Variants in USP15 observed in about 807,000 individuals in gnomAD.
USP15 encodes ubiquitin specific peptidase 15, also known as ubiquitin carboxyl-terminal hydrolase 15.
In USP15, 18 loss-of-function variants were observed where a neutral mutation model predicts 127.1. The ratio of observed to expected loss-of-function variants is 0.14; its 90% CI spans 0.10 to 0.21. The LOEUF (loss-of-function observed/expected upper bound fraction) is 0.21, where lower values mean the gene tolerates loss of function less well. Among genes scored for constraint, USP15 ranks in the 10% least tolerant of loss-of-function variants. The pLI is 1.00. For missense variants in USP15, 805 were observed against 1,159.9 expected (o/e 0.69, Z 4.44); for synonymous variants, 364 against 393.7 (o/e 0.92, Z 0.89).
At chr12:62,294,081 G>A in intron 1 of USP15, 98 bp from the exon 2 acceptor site, 1 of 1,273,746 alleles carries the variant, frequency 7.9e-7, no homozygotes, top group Non-Finnish European at 1.1e-6. Context: ...AAGTAGATAT[G>A]TCTTTTAATA....
Position 62,406,874 on chromosome 12 carries a change from A to C in USP15, c.*2499A>C, listed in dbSNP as rs1287952817. The C allele has an allele frequency of 6.6e-6, 1 of 152,128 alleles. No individual in the cohort carries two copies. Among genetic ancestry groups the C allele is most frequent in the African/African-American group, 2.4e-5 (1 of 41,406 alleles). The allele number at this position is 152,128 out of a possible 1,614,324, so 9.4% of individuals were successfully genotyped here. ...CAGCTACTGGGGAGGCTGAGGTGAG[A>C]GAATTGCTTGAGCCCAGGCAGTCAA... On this transcript the variant is annotated 3_prime_UTR_variant, in exon 22 of 22. Coordinates refer to ENST00000280377, the MANE Select transcript of USP15 (RefSeq NM_001252078.2).
At chr12:62,371,176 T>A (rs1435192775) in intron 8 of USP15, among the ~76,000 whole-genome samples, 2 of 152,202 alleles carry the variant, frequency 1.3e-5, no homozygotes, top group Non-Finnish European at 2.9e-5. Context: ...AAGGATAAAA[T>A]TCAAACTGGA....
rs939514000 is a variant in USP15 at position 62,413,255 on chromosome 12, G to A, written c.*8880G>A. The A allele has an allele frequency of 7.2e-5, 11 of 152,110 alleles. No individual in the cohort carries two copies. The highest frequency in any genetic ancestry group is 7.2e-5 in the African/African-American group (3 of 41,422). The allele number at this position is 152,110 out of a possible 1,614,324, so 9.4% of individuals were successfully genotyped here. On this transcript the variant is annotated 3_prime_UTR_variant, in exon 22 of 22. Coordinates refer to ENST00000280377, the MANE Select transcript of USP15 (RefSeq NM_001252078.2). ...CAGGCTTTATGGTTCCTTTTATAGAGCAAAAACATTATATTTAGTTTAATT... is the reference window on the plus strand; with the variant it reads ...CAGGCTTTATGGTTCCTTTTATAGAACAAAAACATTATATTTAGTTTAATT...
In USP15 at chr12:62,381,812, TG is replaced by T. The variant is rs1367475436; in HGVS notation, c.1089+150del. 26 of 643,644 alleles carry T rather than the reference TG, an allele frequency of 4.0e-5. No individual in the cohort carries two copies. In the Admixed American group the frequency reaches 6.0e-4, roughly 15 times the overall value. 39.9% of individuals were successfully genotyped at this position (643,644 alleles called of 1,614,324 possible). A position where few individuals can be genotyped will look rare whatever the true frequency, so the allele number is the denominator to read the frequency against. On this transcript the variant is annotated intron_variant, in intron 9 of 21. Transcript: ENST00000280377. ...TACATAAATAGATATACAGTACATC[TG>T]TGATATAAAATTTAGGTGGGAGGGA...
chr12:62,404,438 A>G lies in USP15; in HGVS notation c.*63A>G. The G allele has an allele frequency of 6.8e-7, 1 of 1,460,028 alleles. No homozygotes were observed. The highest frequency in any genetic ancestry group is 9.1e-7 in the Non-Finnish European group (1 of 1,102,396). The allele number at this position is 1,460,028 out of a possible 1,614,324, so 90.4% of individuals were successfully genotyped here. A position where few individuals can be genotyped will look rare whatever the true frequency, so the allele number is the denominator to read the frequency against. Reference sequence around the variant, plus strand: ...CTGGTGGTATCTATGGAAATGATGAAGTTACCCACCACATTAAAACAAAAG... The same window carrying G: ...CTGGTGGTATCTATGGAAATGATGAGGTTACCCACCACATTAAAACAAAAG... On this transcript the variant is annotated 3_prime_UTR_variant, in exon 22 of 22. Transcript: ENST00000280377.
chr12:62,391,556 C>T (rs2067326425), intron 16 of USP15, 127 bp downstream of exon 16: 6 of 1,212,590 alleles, frequency 4.9e-6, no homozygotes, highest in South Asian at 1.6e-5. Flanking sequence ...TCAAATTTTA[C>T]ATGAAAGGAC....
intron 6 of USP15, among the ~76,000 whole-genome samples, chr12:62,330,390 A>G (rs575870833): frequency 6.6e-6 from 1 of 151,956 alleles, no homozygotes; most frequent in Admixed American, 6.6e-5. Flanking sequence ...GGATTTCAAA[A>G]CCAGCCTGAT....
chr12:62,298,830 C>CAAAAAAAAAAAAAAAAA (rs1163091790), intron 2 of USP15, among the ~76,000 whole-genome samples: 1 of 65,066 alleles, frequency 1.5e-5, no homozygotes, highest in African/African-American at 6.2e-5. Context: ...CCCTGTCTTG[C>CAAAAAAAAAAAAAAAAA]AAAAAAAAAA....
intron 4 of USP15, among the ~76,000 whole-genome samples, chr12:62,318,252 C>G (rs2064887094): frequency 6.6e-6 from 1 of 152,166 alleles, no homozygotes; most frequent in Non-Finnish European, 1.5e-5. Context: ...CTGGCCACCA[C>G]TTTCTCTGCT....
chr12:62,280,637 A>G (rs2063623015), intron 1 of USP15, among the ~76,000 whole-genome samples: 1 of 152,114 alleles, frequency 6.6e-6, no homozygotes, highest in East Asian at 1.9e-4. Context: ...CTAATTCCCT[A>G]TCCTTGGGGG....
chr12:62,290,681 G>A (rs551543943), intron 1 of USP15, among the ~76,000 whole-genome samples: 53 of 152,142 alleles, frequency 3.5e-4, no homozygotes, highest in African/African-American at 8.4e-4. Context: ...TTGTAGTTTC[G>A]TTGGTGTAAT....
At chr12:62,271,825 CTTAT>C (rs2063351479) in intron 1 of USP15, among the ~76,000 whole-genome samples, 1 of 151,702 alleles carries the variant, frequency 6.6e-6, no homozygotes, top group South Asian at 2.1e-4. Context: ...CCTTGAGTTT[CTTAT>C]TTGTCTTAGT....
intron 2 of USP15, among the ~76,000 whole-genome samples, chr12:62,297,915 TAACAA>T (rs1592527588): frequency 6.6e-6 from 1 of 152,040 alleles, no homozygotes; most frequent in African/African-American, 2.4e-5. Context: ...ATAGACAACT[TAACAA>T]AACAAGAAAA....
At chr12:62,336,871 A>G (rs1407996932) in intron 6 of USP15, among the ~76,000 whole-genome samples, 3 of 152,234 alleles carry the variant, frequency 2.0e-5, no homozygotes, top group Non-Finnish European at 2.9e-5. Context: ...CATTAATACT[A>G]CATCAAAACT....
chr12:62,363,941 GGGA>G (rs978976303), intron 8 of USP15, among the ~76,000 whole-genome samples: 2 of 152,072 alleles, frequency 1.3e-5, no homozygotes, highest in African/African-American at 4.8e-5. Context: ...ATTTGGGGTG[GGGA>G]GGAGATTATG....
intron 6 of USP15, among the ~76,000 whole-genome samples, chr12:62,348,835 A>G (rs1842871378): frequency 6.6e-6 from 1 of 152,138 alleles, no homozygotes; most frequent in African/African-American, 2.4e-5. Context: ...AGTGTTGTAC[A>G]TAATTAGAAT....
intron 6 of USP15, among the ~76,000 whole-genome samples, chr12:62,329,249 T>TA (rs747270604): frequency 2.0e-5 from 3 of 152,184 alleles, no homozygotes; most frequent in Non-Finnish European, 4.4e-5. Context: ...TGGACACCTG[T>TA]AGTCCCAGCT....
Position 62,410,407 on chromosome 12 carries a change from A to C in USP15, c.*6032A>C, listed in dbSNP as rs1221942359. 6.6e-6 allele frequency: 1 copy of C among 152,170 alleles called. No homozygotes were observed. Among genetic ancestry groups the C allele is most frequent in the East Asian group, 1.9e-4 (1 of 5,198 alleles). The allele number at this position is 152,170 out of a possible 1,614,324, so 9.4% of individuals were successfully genotyped here. On this transcript the variant is annotated 3_prime_UTR_variant, in exon 22 of 22. Transcript: ENST00000280377. ...AAAAGTAAAGATGGGAAAATTACTT[A>C]TAGTATTTTTTTTTAATTTGAGAAA...
Position 62,409,699 on chromosome 12 carries a change from C to T in USP15, c.*5324C>T, listed in dbSNP as rs1461861874. On this transcript the variant is annotated 3_prime_UTR_variant, in exon 22 of 22. Coordinates refer to ENST00000280377, the MANE Select transcript of USP15 (RefSeq NM_001252078.2). ...TAAATCTACATACATAAAAGTAAAA[C>T]AATAAATATGGAAACATCCCAACAG... is the stretch of plus-strand genomic sequence containing the variant. The T allele has an allele frequency of 6.6e-6, 1 of 152,014 alleles. No individual in the cohort carries two copies. The highest frequency in any genetic ancestry group is 1.5e-5 in the Non-Finnish European group (1 of 67,956). The allele number at this position is 152,014 out of a possible 1,614,324, so 9.4% of individuals were successfully genotyped here. A position where few individuals can be genotyped will look rare whatever the true frequency, so the allele number is the denominator to read the frequency against.
Sources: gnomAD v4.1 joint callset for allele counts (sites outside exome capture counted in the v4.1 genomes callset) on GRCh38, gnomAD v4.1.1 for gene constraint, MANE v1.5 for transcripts, NCBI Gene and HGNC (gene_info 2026-07-23, HGNC 2026-07-21) for gene names.